Variants in ZFHX3 observed in about 807,000 individuals in gnomAD.
The protein encoded by ZFHX3 is zinc finger homeobox 3, also known as zinc finger homeobox protein 3.
Under a neutral mutation model 279.1 loss-of-function variants are expected in ZFHX3, and 42 were observed. That is an observed-to-expected ratio of 0.15 (90% CI 0.12 to 0.19). ZFHX3 has a LOEUF of 0.19. Among genes scored for constraint, ZFHX3 ranks in the 10% least tolerant of loss-of-function variants. ZFHX3 has a pLI of 1.00. For missense variants in ZFHX3, 4,981 were observed against 4,754.0 expected (o/e 1.05, Z -1.40); for synonymous variants, 2,293 against 1,957.8 (o/e 1.17, Z -4.52).
intron 1 of ZFHX3, among the ~76,000 whole-genome samples, chr16:73,839,650 A>G (rs901280088): frequency 3.3e-5 from 5 of 152,344 alleles, no homozygotes; most frequent in South Asian, 4.1e-4. Context: ...TGATAAATTT[A>G]CAGAATTAAA....
At chr16:73,096,604 C>T (rs1966167336) in intron 7 of ZFHX3, among the ~76,000 whole-genome samples, 1 of 150,708 alleles carries the variant, frequency 6.6e-6, no homozygotes, top group East Asian at 2.0e-4. Flanking sequence ...CGGGGTTTCA[C>T]CTTTTGGCCA....
chr16:73,288,930 A>AG (rs1179510140), intron 4 of ZFHX3, among the ~76,000 whole-genome samples: 1 of 150,128 alleles, frequency 6.7e-6, no homozygotes, highest in African/African-American at 2.5e-5. Context: ...ATTATCTTCA[A>AG]GGGGAAAAAA....
At chr16:73,508,933 T>C (rs934674694) in intron 2 of ZFHX3, among the ~76,000 whole-genome samples, 8 of 152,216 alleles carry the variant, frequency 5.3e-5, no homozygotes, top group African/African-American at 1.9e-4. Flanking sequence ...GTACTGAATC[T>C]ACAAAGCCTC....
intron 1 of ZFHX3, among the ~76,000 whole-genome samples, chr16:73,814,702 G>T (rs951787611): frequency 6.6e-6 from 1 of 151,810 alleles, no homozygotes; most frequent in Admixed American, 6.6e-5. Context: ...TGAGTAGCTG[G>T]GATTATGGGC....
chr16:72,844,076 G>A (rs2037417147), intron 4 of ZFHX3, among the ~76,000 whole-genome samples: 1 of 152,054 alleles, frequency 6.6e-6, no homozygotes. Flanking sequence ...GGAAAGGGGG[G>A]AATCCCAGAA....
chr16:73,760,924 G>C (rs559603955), intron 1 of ZFHX3, among the ~76,000 whole-genome samples: 5 of 151,638 alleles, frequency 3.3e-5, no homozygotes, highest in African/African-American at 1.2e-4. Flanking sequence ...ACAAGACAAG[G>C]ATGCCCTCTT....
intron 2 of ZFHX3, among the ~76,000 whole-genome samples, chr16:73,647,509 A>G (rs1597045785): frequency 6.6e-6 from 1 of 151,938 alleles, no homozygotes; most frequent in Non-Finnish European, 1.5e-5. Context: ...GACATCTTTC[A>G]CCTTCCGCCA....
chr16:73,428,591 G>C (rs968442841), intron 3 of ZFHX3, among the ~76,000 whole-genome samples: 3 of 152,062 alleles, frequency 2.0e-5, no homozygotes, highest in Non-Finnish European at 4.4e-5. Context: ...TAAACCGAGG[G>C]GAGTTAGCAG....
chr16:73,176,609 CTT>C lies in ZFHX3; in HGVS notation c.-1103-32780_-1103-32779del, dbSNP rs34772851. Among the ~76,000 whole-genome samples, 325 of 139,312 alleles carry C rather than the reference CTT, an allele frequency of 2.3e-3. 1 individual carries two copies. Among genetic ancestry groups the C allele is most frequent in the African/African-American group, 7.0e-3 (264 of 37,776 alleles). 91.4% of individuals were successfully genotyped at this position (139,312 alleles called of 152,430 possible). On this transcript the variant is annotated intron_variant, in intron 5 of 17. Coordinates refer to the ZFHX3 transcript ENST00000641206. The stretch of plus-strand genomic sequence containing the variant: ...GATTGATAGCCTTCTTCTTCTTCTC[CTT>C]TTTTTTTTTTTTTTCCTTAAACCTC...
At chr16:73,541,576 T>C (rs1019243935) in intron 2 of ZFHX3, among the ~76,000 whole-genome samples, 5 of 152,134 alleles carry the variant, frequency 3.3e-5, no homozygotes, top group African/African-American at 1.2e-4. Flanking sequence ...ATTTGGCAGA[T>C]GACCTAGAGG....
At chr16:73,152,069 C>T (rs561938621) in intron 5 of ZFHX3, among the ~76,000 whole-genome samples, 1 of 152,150 alleles carries the variant, frequency 6.6e-6, no homozygotes, top group Admixed American at 6.5e-5. Context: ...ACATTTCCCT[C>T]ACTCCAACAA....
At chr16:73,200,416 G>A (rs943568937) in intron 5 of ZFHX3, among the ~76,000 whole-genome samples, 1 of 152,018 alleles carries the variant, frequency 6.6e-6, no homozygotes, top group Admixed American at 6.5e-5. Context: ...ACATTTGAAG[G>A]AAAATTTAAT....
intron 1 of ZFHX3, among the ~76,000 whole-genome samples, chr16:73,055,703 C>CACACACACACAT (rs1555545995): frequency 1.1e-4 from 11 of 100,836 alleles, no homozygotes; most frequent in Non-Finnish European, 2.2e-4. Context: ...CGCGCGCACA[C>CACACACACACAT]ACACACACAC....
At chr16:73,182,660 C>A (rs938887158) in intron 5 of ZFHX3, among the ~76,000 whole-genome samples, 4 of 152,130 alleles carry the variant, frequency 2.6e-5, no homozygotes, top group Non-Finnish European at 4.4e-5. Context: ...CAATGAAGAA[C>A]TGGATAAAGA....
chr16:73,214,693 G>C (rs544066194), intron 5 of ZFHX3, among the ~76,000 whole-genome samples: 14 of 152,192 alleles, frequency 9.2e-5, no homozygotes, highest in Non-Finnish European at 1.5e-4. Flanking sequence ...AGTACTACAT[G>C]GGGGGAAGCT....
At chr16:73,132,390 T>A (rs1966702967) in intron 6 of ZFHX3, among the ~76,000 whole-genome samples, 1 of 152,182 alleles carries the variant, frequency 6.6e-6, no homozygotes, top group South Asian at 2.1e-4. Flanking sequence ...TCAGAGATCC[T>A]GGGATTGTCT....
chr16:72,997,053 G>A (rs549448813), intron 1 of ZFHX3, among the ~76,000 whole-genome samples: 7 of 152,200 alleles, frequency 4.6e-5, no homozygotes, highest in South Asian at 4.2e-4. Context: ...CGTTGGGCCC[G>A]GCTCAAAAAC....
At chr16:72,826,363 G>A (rs1365894969) in intron 5 of ZFHX3, among the ~76,000 whole-genome samples, 1 of 152,086 alleles carries the variant, frequency 6.6e-6, no homozygotes, top group Non-Finnish European at 1.5e-5. Flanking sequence ...TTATTAATCT[G>A]CATCATGAAC....
At chr16:72,962,153 G>A (rs1254726851) in intron 1 of ZFHX3, among the ~76,000 whole-genome samples, 1 of 152,168 alleles carries the variant, frequency 6.6e-6, no homozygotes, top group Non-Finnish European at 1.5e-5. Flanking sequence ...GGGAAGGGGG[G>A]GCCACGATTG....
Sources: allele counts gnomAD v4.1 joint callset (sites outside exome capture counted in the v4.1 genomes callset), GRCh38; gene constraint gnomAD v4.1.1; transcripts MANE v1.5; gene names NCBI Gene and HGNC (gene_info 2026-07-23, HGNC 2026-07-21).